HMBOX1: variants seen among roughly 807,000 people sequenced by gnomAD.
The protein encoded by HMBOX1 is homeobox-containing protein 1.
HMBOX1 carries 14 observed loss-of-function variants against 54.5 expected under a neutral mutation model. The ratio of observed to expected loss-of-function variants is 0.26; its 90% CI spans 0.17 to 0.40. HMBOX1 has a LOEUF of 0.40. HMBOX1 is among the 10% of genes least tolerant of loss of function. HMBOX1 has a pLI of 1.00. For synonymous variants in HMBOX1, 160 were observed against 181.0 expected, an observed-to-expected ratio of 0.88 and a Z score of 0.93; for missense variants, 332 against 514.4, an observed-to-expected ratio of 0.65 and a Z score of 3.43.
intron 1 of HMBOX1, among the ~76,000 whole-genome samples, chr8:28,894,907 C>T (rs1201195674): frequency 2.0e-5 from 3 of 149,440 alleles, no homozygotes; most frequent in Non-Finnish European, 3.0e-5. Context: ...CAATATTTGA[C>T]AGATTCTTAG....
rs181995673 is a variant in HMBOX1, at chr8:28,969,478, G to A, written c.24-565G>A. On this transcript the variant is annotated intron_variant, in intron 2 of 9. Coordinates refer to ENST00000287701, the MANE Select transcript of HMBOX1 (RefSeq NM_001135726.3). ...AATGGTGCTTATTTTTTTTTTTAAT[G>A]TACCTCTGTTTTCCACTTAAGTATT... Among the ~76,000 whole-genome samples, 13 of 151,426 alleles carry A rather than the reference G, an allele frequency of 8.6e-5. No homozygotes were observed. In the East Asian group the frequency reaches 2.5e-3, roughly 29 times the overall value.
intron 4 of HMBOX1, among the ~76,000 whole-genome samples, chr8:28,984,042 A>G (rs1210914621): frequency 3.9e-5 from 6 of 152,270 alleles, no homozygotes; most frequent in African/African-American, 4.8e-5. Context: ...GTGAGGTAGT[A>G]GAACTGAATA....
intron 4 of HMBOX1, among the ~76,000 whole-genome samples, chr8:29,000,196 G>A (rs538400915): frequency 2.0e-5 from 3 of 152,150 alleles, no homozygotes; most frequent in Non-Finnish European, 4.4e-5. Flanking sequence ...GAAACAATAA[G>A]TCTCCCAGCT....
At chr8:28,913,383 C>T (rs1180238606) in intron 1 of HMBOX1, among the ~76,000 whole-genome samples, 2 of 152,106 alleles carry the variant, frequency 1.3e-5, no homozygotes, top group Non-Finnish European at 2.9e-5. Context: ...TTTTTCCTGC[C>T]TGTTACCCCA....
At chr8:29,027,343 GAA>G (rs1275465216) in intron 6 of HMBOX1, among the ~76,000 whole-genome samples, 2 of 152,224 alleles carry the variant, frequency 1.3e-5, no homozygotes, top group African/African-American at 4.8e-5. Context: ...TTAAGGGTGA[GAA>G]GAGTGAAAGG....
intron 4 of HMBOX1, among the ~76,000 whole-genome samples, chr8:29,006,109 C>T (rs1277041293): frequency 6.6e-6 from 1 of 151,334 alleles, no homozygotes; most frequent in African/African-American, 2.4e-5. Context: ...TCTCCTGCCT[C>T]AGCCTCCCGA....
intron 1 of HMBOX1, among the ~76,000 whole-genome samples, chr8:28,943,420 GTTAGT>G (rs1328082685): frequency 6.6e-6 from 1 of 152,166 alleles, no homozygotes; most frequent in Admixed American, 6.5e-5. Flanking sequence ...GCAGATAAGG[GTTAGT>G]TTAACAAGGT....
At chr8:28,946,397 C>T (rs1822461136) in intron 1 of HMBOX1, among the ~76,000 whole-genome samples, 4 of 151,810 alleles carry the variant, frequency 2.6e-5, no homozygotes, top group East Asian at 2.0e-4. Context: ...GGTGAAACCT[C>T]GTCTCTACTA....
At chr8:28,962,811 T>G (rs961918530) in intron 1 of HMBOX1, among the ~76,000 whole-genome samples, 1 of 152,198 alleles carries the variant, frequency 6.6e-6, no homozygotes, top group Non-Finnish European at 1.5e-5. Context: ...GGTCTTTTTT[T>G]TTGTATTATA....
chr8:28,979,013 A>C (rs1352514760), intron 3 of HMBOX1, among the ~76,000 whole-genome samples: 1 of 152,202 alleles, frequency 6.6e-6, no homozygotes, highest in East Asian at 1.9e-4. Context: ...AATTGATTGC[A>C]AATGTCCATC....
chr8:29,014,764 C>T (rs1036594791), intron 5 of HMBOX1, among the ~76,000 whole-genome samples: 4 of 152,132 alleles, frequency 2.6e-5, no homozygotes, highest in African/African-American at 9.7e-5. Context: ...ACTGCAACCT[C>T]TGCCTCCTGG....
intron 1 of HMBOX1, among the ~76,000 whole-genome samples, chr8:28,947,019 A>G (rs1159310761): frequency 6.6e-6 from 1 of 152,212 alleles, no homozygotes. Flanking sequence ...TTGGAGTAGA[A>G]TACATTATCT....
intron 4 of HMBOX1, among the ~76,000 whole-genome samples, chr8:28,994,721 C>T (rs1054376290): frequency 2.0e-5 from 3 of 152,026 alleles, no homozygotes; most frequent in Non-Finnish European, 4.4e-5. Context: ...AGATTGGTAT[C>T]TATGATGGTA....
chr8:28,911,076 C>G (rs909214956), intron 1 of HMBOX1, among the ~76,000 whole-genome samples: 1 of 152,214 alleles, frequency 6.6e-6, no homozygotes, highest in African/African-American at 2.4e-5. Flanking sequence ...CACCATACCA[C>G]TGACAGAACA....
intron 1 of HMBOX1, among the ~76,000 whole-genome samples, chr8:28,922,967 T>C (rs1817802324): frequency 6.6e-6 from 1 of 152,198 alleles, no homozygotes; most frequent in Admixed American, 6.5e-5. Context: ...CATTATCCCT[T>C]TTTTGTACTT....
At chr8:28,896,769 A>T (rs1273648093) in intron 1 of HMBOX1, among the ~76,000 whole-genome samples, 1 of 152,078 alleles carries the variant, frequency 6.6e-6, no homozygotes, top group African/African-American at 2.4e-5. Flanking sequence ...GTGTAAGTAC[A>T]CTCTATGGTG....
chr8:28,909,100 A>C (rs1361931431), intron 1 of HMBOX1, among the ~76,000 whole-genome samples: 1 of 152,056 alleles, frequency 6.6e-6, no homozygotes, highest in Non-Finnish European at 1.5e-5. Context: ...ATCTCTAAAA[A>C]AAAAAAAAAA....
chr8:29,009,045 C>G lies in HMBOX1; in HGVS notation c.587-27C>G, dbSNP rs756948217. On this transcript the variant is annotated intron_variant, in intron 4 of 9. Coordinates refer to ENST00000287701, the MANE Select transcript of HMBOX1 (RefSeq NM_001135726.3). ...AATTTCACTGTAATTTCAGTGCCCCCCAAAACCTATTTCTCTTTCTACATA... is the reference window on the plus strand; with the variant it reads ...AATTTCACTGTAATTTCAGTGCCCCGCAAAACCTATTTCTCTTTCTACATA... The G allele has an allele frequency of 5.1e-5, 79 of 1,564,108 alleles. No homozygotes were observed. The Admixed American group carries it at 1.3e-3, about 26-fold the overall frequency.
At chr8:29,009,322 A>C in intron 5 of HMBOX1, 140 bp downstream of exon 5, 1 of 1,042,748 alleles carries the variant, frequency 9.6e-7, no homozygotes, top group Non-Finnish European at 1.3e-6. Flanking sequence ...AAAGACTCTT[A>C]ACAGTAAAAG....
Sources: allele counts gnomAD v4.1 joint callset (sites outside exome capture counted in the v4.1 genomes callset), GRCh38; gene constraint gnomAD v4.1.1; transcripts MANE v1.5; gene names NCBI Gene and HGNC (gene_info 2026-07-23, HGNC 2026-07-21).